Variants in NAV3 observed in about 807,000 individuals in gnomAD.
NAV3 encodes the protein neuron navigator 3, also known as pore membrane and/or filament interacting like protein 1.
In NAV3, 87 loss-of-function variants were observed where a neutral mutation model predicts 244.7. That is an observed-to-expected ratio of 0.36 (90% CI 0.30 to 0.42). The LOEUF (loss-of-function observed/expected upper bound fraction) is 0.42. Ranked by LOEUF, NAV3 falls within the 20% of genes least tolerant of loss-of-function variation. The probability of loss-of-function intolerance (pLI) is 1.00; values close to 1 mark genes in which losing one functional copy is unlikely to be tolerated. For missense variants in NAV3, 2,663 were observed against 2,893.3 expected (o/e 0.92, Z 1.83); for synonymous variants, 1,126 against 1,042.2 (o/e 1.08, Z -1.55).
Position 78,188,327 on chromosome 12 carries a change from T to C in NAV3, c.5870T>C (p.Ile1957Thr). 1 of 1,610,774 alleles carries C rather than the reference T, an allele frequency of 6.2e-7. No homozygotes were observed. Among genetic ancestry groups the C allele is most frequent in the Non-Finnish European group, 8.5e-7 (1 of 1,177,696 alleles). ...KTKWDVLDGV[I>T]RRLFKEYVFR... ...AAGTGGGATGTCTTAGATGGTGTAA[T>C]AAGACGTCTCTTTAAGGTATGTTGT... Residue 1957 changes from isoleucine to threonine, a missense_variant, in exon 32 of 40, where the codon ATA (isoleucine) becomes ACA (threonine). Transcript: ENST00000397909.
chr12:78,112,699 G>T (rs181712968), intron 12 of NAV3, among the ~76,000 whole-genome samples: 1 of 152,232 alleles, frequency 6.6e-6, no homozygotes, highest in African/African-American at 2.4e-5. Flanking sequence ...TTCAAGATGA[G>T]ATTTGGGTGG....
chr12:77,587,789 AG>A (rs1374132240), intron 2 of NAV3, among the ~76,000 whole-genome samples: 2 of 152,224 alleles, frequency 1.3e-5, no homozygotes, highest in African/African-American at 4.8e-5. Flanking sequence ...AGACTGAAGT[AG>A]AAGCATTCCA....
chr12:77,781,948 A>G (rs1336719603), intron 2 of NAV3, among the ~76,000 whole-genome samples: 1 of 152,230 alleles, frequency 6.6e-6, no homozygotes, highest in Admixed American at 6.5e-5. Flanking sequence ...TCTATTGATT[A>G]GAAACAAGTC....
chr12:78,129,325 G>C (rs1379782758), intron 18 of NAV3, among the ~76,000 whole-genome samples: 1 of 152,010 alleles, frequency 6.6e-6, no homozygotes, highest in African/African-American at 2.4e-5. Context: ...GTAGAAAATA[G>C]AAACAATTAG....
In NAV3 at chr12:77,659,135, T is replaced by C. The variant is rs1418885796; in HGVS notation, c.72+86869T>C. On this transcript the variant is annotated intron_variant, in intron 2 of 8. Coordinates refer to the NAV3 transcript ENST00000550042. ...GGATCTAATTAAACTAAAGAGCTTC[T>C]GCACAGCAAAAGAAACTACCATCAG... 2.0e-5 allele frequency among the ~76,000 whole-genome samples: 3 copies of C among 151,634 alleles called. No homozygotes were observed. The East Asian group carries it at 5.8e-4, about 29-fold the overall frequency.
chr12:78,042,296 G>A (rs550329896), intron 9 of NAV3, among the ~76,000 whole-genome samples: 2 of 152,254 alleles, frequency 1.3e-5, no homozygotes, highest in South Asian at 2.1e-4. Context: ...TCAGGCCAGC[G>A]TTAGTCATAC....
chr12:77,895,710 C>A (rs920128831), intron 1 of NAV3, among the ~76,000 whole-genome samples: 1 of 149,140 alleles, frequency 6.7e-6, no homozygotes, highest in African/African-American at 2.5e-5. Context: ...CTACCCCATC[C>A]TCTACTACCA....
At chr12:78,092,495 T>G (rs896595818) in intron 12 of NAV3, among the ~76,000 whole-genome samples, 4 of 131,264 alleles carry the variant, frequency 3.0e-5, no homozygotes, top group South Asian at 5.4e-4. Context: ...TATTTTCTTT[T>G]TTTTTTTTTT....
chr12:77,715,289 A>G (rs977669992), intron 2 of NAV3, among the ~76,000 whole-genome samples: 3 of 152,002 alleles, frequency 2.0e-5, no homozygotes, highest in Admixed American at 6.6e-5. Context: ...TTGGTATACA[A>G]TGGAATCAAA....
chr12:78,076,311 T>A (rs569311627), intron 12 of NAV3, among the ~76,000 whole-genome samples: 1 of 152,288 alleles, frequency 6.6e-6, no homozygotes, highest in South Asian at 2.1e-4. Context: ...TCACTTCAGG[T>A]GTTGCCTTCT....
chr12:77,855,480 C>G (rs1274775614), intron 1 of NAV3, among the ~76,000 whole-genome samples: 2 of 152,168 alleles, frequency 1.3e-5, no homozygotes, highest in Non-Finnish European at 2.9e-5. Flanking sequence ...CAAAAGGTCT[C>G]TGTTCAATGA....
intron 2 of NAV3, among the ~76,000 whole-genome samples, chr12:77,755,802 C>A (rs1308190759): frequency 2.0e-5 from 3 of 151,148 alleles, no homozygotes; most frequent in Non-Finnish European, 4.4e-5. Flanking sequence ...GGCGTGAACA[C>A]AGCTCACTGC....
At chr12:77,994,435 C>T (rs1351187520) in intron 5 of NAV3, among the ~76,000 whole-genome samples, 1 of 152,184 alleles carries the variant, frequency 6.6e-6, no homozygotes, top group South Asian at 2.1e-4. Flanking sequence ...AGAAAGTGAT[C>T]TTTCATCATG....
At position 77,669,672 on chromosome 12, in the gene NAV3, A is replaced by G. The variant is rs922578901; in HGVS notation, c.72+97406A>G. ...ATATCACAATCCTAAATATATATGC[A>G]CCTAACACTAGAGCTCCCAACTGTA... On this transcript the variant is annotated intron_variant, in intron 2 of 8. Coordinates refer to the NAV3 transcript ENST00000550042. 1.3e-5 allele frequency among the ~76,000 whole-genome samples: 2 copies of G among 152,148 alleles called. 1 individual carries two copies. The highest frequency in any genetic ancestry group is 4.8e-5 in the African/African-American group (2 of 41,450).
At chr12:77,626,448 G>C (rs1871626631) in intron 2 of NAV3, among the ~76,000 whole-genome samples, 1 of 151,992 alleles carries the variant, frequency 6.6e-6, no homozygotes, top group Non-Finnish European at 1.5e-5. Context: ...CCAAATACAG[G>C]AAGTTCAAAG....
intron 1 of NAV3, among the ~76,000 whole-genome samples, chr12:77,939,581 CAAT>C (rs1452441254): frequency 1.3e-5 from 2 of 152,068 alleles, no homozygotes; most frequent in South Asian, 2.1e-4. Flanking sequence ...AAAAAATTAA[CAAT>C]GTTTTATTTT....
At chr12:77,902,881 C>A (rs866453929) in intron 1 of NAV3, among the ~76,000 whole-genome samples, 8 of 152,122 alleles carry the variant, frequency 5.3e-5, no homozygotes, top group African/African-American at 1.9e-4. Context: ...CATGAGTGAA[C>A]TCCCATTCAC....
At chr12:77,678,311 G>A (rs1371304965) in intron 2 of NAV3, among the ~76,000 whole-genome samples, 1 of 152,060 alleles carries the variant, frequency 6.6e-6, no homozygotes, top group Non-Finnish European at 1.5e-5. Context: ...CAGAAGAATG[G>A]ATTGACTGTT....
chr12:77,873,689 A>G lies in NAV3; in HGVS notation c.243+41985A>G, dbSNP rs1473825878. Among the ~76,000 whole-genome samples the G allele has an allele frequency of 8.0e-3, 803 of 100,740 alleles. 22 individuals carry two copies. The highest frequency in any genetic ancestry group is 0.032 in the African/African-American group (745 of 23,220). 66.1% of individuals were successfully genotyped at this position (100,740 alleles called of 152,430 possible). ...ACATGATTTGTATGTGTATATATAT[A>G]TATATATATATATATATATACATGA... On this transcript the variant is annotated intron_variant, in intron 1 of 39. Coordinates refer to ENST00000397909, the MANE Select transcript of NAV3 (RefSeq NM_001024383.2).
Sources: allele counts gnomAD v4.1 joint callset (sites outside exome capture counted in the v4.1 genomes callset), GRCh38; gene constraint gnomAD v4.1.1; transcripts MANE v1.5; gene names NCBI Gene and HGNC (gene_info 2026-07-23, HGNC 2026-07-21).